CENPU: variants seen among roughly 807,000 people sequenced by gnomAD.
CENPU encodes the protein centromere protein U.
A neutral mutation model predicts 56.7 loss-of-function variants in CENPU; 46 were observed. The ratio of observed to expected loss-of-function variants is 0.81; its 90% CI spans 0.64 to 1.04. The LOEUF is 1.04. Among genes scored for constraint, CENPU ranks in the 50% least tolerant of loss-of-function variants. CENPU has a pLI of 0.00. For synonymous variants in CENPU, 166 were observed against 163.0 expected, an observed-to-expected ratio of 1.02 and a Z score of -0.14; for missense variants, 510 against 490.1, an observed-to-expected ratio of 1.04 and a Z score of -0.38.
In CENPU at chr4:184,725,991, A is replaced by AG. The variant is rs529120846; in HGVS notation, c.215-930dup. Among the ~76,000 whole-genome samples, 27 of 152,334 alleles carry AG rather than the reference A, an allele frequency of 1.8e-4. No homozygotes were observed. The South Asian group carries it at 2.9e-3, about 16-fold the overall frequency. On this transcript the variant is annotated intron_variant, in intron 3 of 12. Coordinates refer to ENST00000281453, the MANE Select transcript of CENPU (RefSeq NM_024629.4). ...GTGGTGACAGAGCTGAACTGCTGTAAGGGGGCCTGGTAAGAGCCAAGCAAC... is the reference window on the plus strand; with the variant it reads ...GTGGTGACAGAGCTGAACTGCTGTAAGGGGGGCCTGGTAAGAGCCAAGCAAC...
At chr4:184,721,934 G>T (rs2310109) in intron 4 of CENPU, among the ~76,000 whole-genome samples, 147,726 of 152,346 alleles carry the variant, frequency 0.97, 71,795 homozygotes, top group East Asian at 1. Context: ...ATCCAACAGC[G>T]GCAGAATACG....
chr4:184,714,527 C>T (rs1392906106), intron 6 of CENPU, among the ~76,000 whole-genome samples: 3 of 152,086 alleles, frequency 2.0e-5, no homozygotes, highest in African/African-American at 7.2e-5. Context: ...TATGTAATTA[C>T]ATGTATGTAG....
intron 10 of CENPU, 57 bp from the exon 11 acceptor site, chr4:184,700,938 C>T: frequency 2.9e-6 from 4 of 1,368,280 alleles, no homozygotes; most frequent in Non-Finnish European, 3.1e-6. Flanking sequence ...AGCACTGCCA[C>T]ATAAGCTGCC....
At chr4:184,714,851 T>G (rs1761036076) in intron 6 of CENPU, among the ~76,000 whole-genome samples, 1 of 151,982 alleles carries the variant, frequency 6.6e-6, no homozygotes, top group Admixed American at 6.6e-5. Context: ...AAAAAATACC[T>G]CCTCTATGTA....
chr4:184,702,093 G>C lies in CENPU; in HGVS notation c.920C>G (p.Ala307Gly), dbSNP rs1394018636. ...QMLTNLKRKN[A>G]KMISDIEKKR... ...CTAATCACATAAATAATTTACCTTA[G>C]CATTCTTCCTTTTCAGATTTGTCAA... is the stretch of plus-strand genomic sequence containing the variant. The change falls in exon 10 of 13, where the codon GCT (alanine) becomes GGT (glycine). Residue 307 changes from alanine to glycine, a missense_variant. Transcript: ENST00000281453. 6.2e-7 allele frequency: 1 copy of C among 1,600,578 alleles called. No individual in the cohort carries two copies. Among genetic ancestry groups the C allele is most frequent in the East Asian group, 2.2e-5 (1 of 44,746 alleles).
At chr4:184,717,090 A>T (rs1228494501) in intron 5 of CENPU, 46 bp downstream of exon 5, 3 of 1,288,494 alleles carry the variant, frequency 2.3e-6, no homozygotes, top group Non-Finnish European at 3.4e-6. Context: ...GCATCCAATC[A>T]AACTATATTA....
At chr4:184,731,715 T>C (rs1037836680) in intron 1 of CENPU, among the ~76,000 whole-genome samples, 3 of 152,224 alleles carry the variant, frequency 2.0e-5, no homozygotes, top group Non-Finnish European at 4.4e-5. Context: ...AATTAGACTT[T>C]AAAATATGCC....
chr4:184,726,399 G>C (rs1158681032), intron 3 of CENPU, among the ~76,000 whole-genome samples: 1 of 151,860 alleles, frequency 6.6e-6, no homozygotes, highest in Non-Finnish European at 1.5e-5. Context: ...TCAGCCATAA[G>C]TACACGGAAA....
intron 8 of CENPU, among the ~76,000 whole-genome samples, chr4:184,706,371 A>G (rs1325175018): frequency 6.6e-6 from 1 of 152,182 alleles, no homozygotes; most frequent in Admixed American, 6.5e-5. Context: ...TTAAATAAGA[A>G]AAACTGGTCA....
At chr4:184,718,386 C>A in intron 4 of CENPU, among the ~76,000 whole-genome samples, 1 of 152,222 alleles carries the variant, frequency 6.6e-6, no homozygotes, top group East Asian at 1.9e-4. Flanking sequence ...ACTAATAAAC[C>A]CCTTCCATTC....
rs994531984 is a variant in CENPU, at chr4:184,694,932, A to T, written c.*356T>A. 1 of 625,526 alleles carries T rather than the reference A, an allele frequency of 1.6e-6. No homozygotes were observed. The highest frequency in any genetic ancestry group is 1.8e-5 in the African/African-American group (1 of 54,454). The allele number at this position is 625,526 out of a possible 1,614,324, so 38.7% of individuals were successfully genotyped here. On this transcript the variant is annotated 3_prime_UTR_variant, in exon 13 of 13. Transcript: ENST00000281453. Reference sequence around the variant, plus strand: ...TTTACTTCTGTAAACCAATTTCATTAAAAATTAGCTTTGGTGTAAATTCAG... The same window carrying T: ...TTTACTTCTGTAAACCAATTTCATTTAAAATTAGCTTTGGTGTAAATTCAG...
At position 184,694,944 on chromosome 4, in the gene CENPU, TG is replaced by T; in HGVS notation, c.*343del. The T allele has an allele frequency of 1.7e-6, 1 of 605,868 alleles. No homozygotes were observed. The highest frequency in any genetic ancestry group is 2.8e-6 in the Non-Finnish European group (1 of 355,996). The allele number at this position is 605,868 out of a possible 1,614,324, so 37.5% of individuals were successfully genotyped here. On this transcript the variant is annotated 3_prime_UTR_variant, in exon 13 of 13. Transcript: ENST00000281453. ...AACCAATTTCATTAAAAATTAGCTT[TG>T]GTGTAAATTCAGGAGAAATCGCCTT...
chr4:184,710,335 C>T (rs1389468462), intron 7 of CENPU, 155 bp from the exon 8 acceptor site: 2 of 486,170 alleles, frequency 4.1e-6, no homozygotes, highest in Non-Finnish European at 7.3e-6. Flanking sequence ...CTTCTTATCC[C>T]TGTGCACAGT....
At chr4:184,730,507 T>TAAAAAAAAAAA (rs374854623) in intron 2 of CENPU, among the ~76,000 whole-genome samples, 1 of 110,220 alleles carries the variant, frequency 9.1e-6, no homozygotes, top group African/African-American at 3.9e-5. Context: ...TCAAGAACGT[T>TAAAAAAAAAAA]AAAGAAATGC....
intron 4 of CENPU, among the ~76,000 whole-genome samples, chr4:184,719,474 G>A (rs550662939): frequency 1.3e-4 from 20 of 152,298 alleles, no homozygotes; most frequent in African/African-American, 4.6e-4. Context: ...TGGTGTGAGG[G>A]GAATCGCCCA....
intron 12 of CENPU, among the ~76,000 whole-genome samples, chr4:184,696,549 T>G (rs953128767): frequency 1.3e-5 from 2 of 152,164 alleles, no homozygotes; most frequent in Non-Finnish European, 2.9e-5. Flanking sequence ...AAAAAATACC[T>G]TTAAAAGCAT....
At chr4:184,731,838 C>A (rs7680835) in intron 1 of CENPU, among the ~76,000 whole-genome samples, 2 of 151,774 alleles carry the variant, frequency 1.3e-5, no homozygotes, top group Admixed American at 1.3e-4. Flanking sequence ...AGAAAAGTTG[C>A]AAACATAGCA....
Position 184,724,946 on chromosome 4 carries a change from T to C in CENPU, c.320+11A>G, listed in dbSNP as rs750240115. The stretch of plus-strand genomic sequence containing the variant: ...ACCATGAATAAACAATTGCTTGAAA[T>C]ACACCAGTACCTTCTTTTTGCTTCT... On this transcript the variant is annotated intron_variant, in intron 4 of 12. Coordinates refer to ENST00000281453, the MANE Select transcript of CENPU (RefSeq NM_024629.4). 5.9e-6 allele frequency: 9 copies of C among 1,536,226 alleles called. No individual in the cohort carries two copies. Among genetic ancestry groups the C allele is most frequent in the Admixed American group, 1.8e-5 (1 of 55,926 alleles).
chr4:184,713,407 A>G (rs999553648), intron 6 of CENPU, among the ~76,000 whole-genome samples: 4 of 152,214 alleles, frequency 2.6e-5, no homozygotes, highest in African/African-American at 9.7e-5. Flanking sequence ...AAGAAAAAAA[A>G]CTTTAGCTAC....
Sources: gnomAD v4.1 joint callset for allele counts (sites outside exome capture counted in the v4.1 genomes callset) on GRCh38, gnomAD v4.1.1 for gene constraint, MANE v1.5 for transcripts, NCBI Gene and HGNC (gene_info 2026-07-23, HGNC 2026-07-21) for gene names.